PSPC1: variants seen among roughly 807,000 people sequenced by gnomAD.
The protein encoded by PSPC1 is paraspeckle component 1.
PSPC1 carries 14 observed loss-of-function variants against 51.6 expected under a neutral mutation model. That is an observed-to-expected ratio of 0.27 (90% CI 0.18 to 0.42). PSPC1 has a LOEUF of 0.42. Ranked by LOEUF, PSPC1 falls within the 10% of genes least tolerant of loss-of-function variation. The pLI is 1.00. For missense variants in PSPC1, 406 were observed against 701.1 expected (o/e 0.58, Z 4.75); for synonymous variants, 193 against 231.9 (o/e 0.83, Z 1.53).
At chr13:19,774,404 A>T (rs1359049038) in intron 1 of PSPC1, among the ~76,000 whole-genome samples, 2 of 152,224 alleles carry the variant, frequency 1.3e-5, no homozygotes, top group African/African-American at 2.4e-5. Flanking sequence ...CCTTTATTGC[A>T]AAAATCTACC....
chr13:19,742,085 T>C (rs1198622726), intron 4 of PSPC1, among the ~76,000 whole-genome samples: 1 of 151,898 alleles, frequency 6.6e-6, no homozygotes, highest in Non-Finnish European at 1.5e-5. Context: ...TGAGTTGAGA[T>C]TGTGCCACTG....
intron 6 of PSPC1, among the ~76,000 whole-genome samples, chr13:19,697,287 C>CT (rs1879375934): frequency 6.6e-6 from 1 of 152,172 alleles, no homozygotes; most frequent in South Asian, 2.1e-4. Context: ...TTTAATGAGC[C>CT]TCCCAGGTGA....
downstream of PSPC1, chr13:19,671,896 G>C (rs762843409): frequency 4.3e-6 from 7 of 1,612,100 alleles, no homozygotes; most frequent in Non-Finnish European, 5.9e-6. Context: ...GGGACTGGGC[G>C]GAGTTCTCTT....
intron 7 of PSPC1, among the ~76,000 whole-genome samples, chr13:19,676,089 C>T (rs1017468751): frequency 6.6e-6 from 1 of 152,162 alleles, no homozygotes; most frequent in African/African-American, 2.4e-5. Flanking sequence ...TCTCTCTCCC[C>T]TTCTCTCTTT....
chr13:19,769,416 G>A (rs182901116), intron 2 of PSPC1, among the ~76,000 whole-genome samples: 1 of 152,170 alleles, frequency 6.6e-6, no homozygotes, highest in Admixed American at 6.5e-5. Flanking sequence ...TTAGCCGGGC[G>A]TGGCGGCATG....
At chr13:19,761,553 ATGT>A (rs1397129319) in intron 2 of PSPC1, among the ~76,000 whole-genome samples, 2 of 152,216 alleles carry the variant, frequency 1.3e-5, no homozygotes, top group East Asian at 3.8e-4. Flanking sequence ...TAGATCCTAA[ATGT>A]AAGAAAAGAT....
downstream of PSPC1, among the ~76,000 whole-genome samples, chr13:19,674,406 T>TACTC (rs148287151): frequency 6.6e-6 from 1 of 152,226 alleles, no homozygotes; most frequent in African/African-American, 2.4e-5. Flanking sequence ...TGGAGAATCT[T>TACTC]ACTCAGTAGA....
chr13:19,713,189 C>A (rs867804733), intron 6 of PSPC1, among the ~76,000 whole-genome samples: 1 of 152,104 alleles, frequency 6.6e-6, no homozygotes, highest in Non-Finnish European at 1.5e-5. Context: ...GATATTTTTA[C>A]AAATTTTAAT....
intron 3 of PSPC1, 119 bp downstream of exon 3, chr13:19,759,204 C>T: frequency 1.3e-6 from 1 of 754,500 alleles, no homozygotes; most frequent in Non-Finnish European, 2.2e-6. Flanking sequence ...GTAGACTAGA[C>T]CACTCTATTA....
At chr13:19,726,641 G>A (rs1265103149) in intron 6 of PSPC1, among the ~76,000 whole-genome samples, 1 of 152,138 alleles carries the variant, frequency 6.6e-6, no homozygotes, top group Non-Finnish European at 1.5e-5. Flanking sequence ...ACAGTGGCAT[G>A]TGCTTGTTGT....
intron 6 of PSPC1, among the ~76,000 whole-genome samples, chr13:19,720,292 A>G (rs1258450327): frequency 6.6e-6 from 1 of 152,206 alleles, no homozygotes; most frequent in Non-Finnish European, 1.5e-5. Flanking sequence ...TAAAACCATC[A>G]TAACTGGCCA....
At chr13:19,759,558 G>A in intron 2 of PSPC1, 140 bp from the exon 3 acceptor site, 1 of 658,242 alleles carries the variant, frequency 1.5e-6, no homozygotes, top group Non-Finnish European at 2.6e-6. Flanking sequence ...AGTATCATTT[G>A]TACTCATAAA....
chr13:19,701,086 A>G (rs1366742850), downstream of PSPC1, among the ~76,000 whole-genome samples: 2 of 152,248 alleles, frequency 1.3e-5, no homozygotes, highest in African/African-American at 4.8e-5. Context: ...AAAGTTGTGT[A>G]GAACTCTGTT....
intron 6 of PSPC1, among the ~76,000 whole-genome samples, chr13:19,681,075 T>G (rs1167638263): frequency 1.3e-5 from 2 of 151,910 alleles, no homozygotes; most frequent in East Asian, 3.9e-4. Context: ...ATTAGCTGAG[T>G]GCGGTGGCAC....
chr13:19,710,755 GGTACA>G (rs1393201095), intron 6 of PSPC1, among the ~76,000 whole-genome samples: 1 of 151,912 alleles, frequency 6.6e-6, no homozygotes, highest in African/African-American at 2.4e-5. Context: ...ATGAAGCTAC[GGTACA>G]ACAAAAACAC....
At chr13:19,756,775 G>T (rs919990830) in intron 3 of PSPC1, among the ~76,000 whole-genome samples, 7 of 152,072 alleles carry the variant, frequency 4.6e-5, no homozygotes, top group African/African-American at 1.7e-4. Flanking sequence ...GATTACACGT[G>T]TAAGCCACTG....
At chr13:19,747,521 C>T (rs186393284) in intron 4 of PSPC1, among the ~76,000 whole-genome samples, 43 of 152,118 alleles carry the variant, frequency 2.8e-4, no homozygotes, top group Admixed American at 2.0e-3. Context: ...TTGGTAGAGA[C>T]GGGGTCTCAC....
At chr13:19,694,600 G>A (rs930360891) in intron 6 of PSPC1, among the ~76,000 whole-genome samples, 1 of 152,140 alleles carries the variant, frequency 6.6e-6, no homozygotes, top group African/African-American at 2.4e-5. Context: ...TAAAATCAAA[G>A]ATACAAAAGT....
At chr13:19,781,299 G>A (rs1889946636) in intron 1 of PSPC1, among the ~76,000 whole-genome samples, 1 of 150,558 alleles carries the variant, frequency 6.6e-6, no homozygotes, top group Non-Finnish European at 1.5e-5. Context: ...CTACAGGCGC[G>A]CACCACCACG....
Sources: gnomAD v4.1 joint callset for allele counts (sites outside exome capture counted in the v4.1 genomes callset) on GRCh38, gnomAD v4.1.1 for gene constraint, MANE v1.5 for transcripts, NCBI Gene and HGNC (gene_info 2026-07-23, HGNC 2026-07-21) for gene names.